Variants in DGKB observed in about 807,000 individuals in gnomAD.
The protein encoded by DGKB is 90 kDa diacylglycerol kinase.
Under a neutral mutation model 114.3 loss-of-function variants are expected in DGKB, and 67 were observed. That is an observed-to-expected ratio of 0.59 (90% CI 0.48 to 0.72). The LOEUF (loss-of-function observed/expected upper bound fraction) is 0.72. Among genes scored for constraint, DGKB ranks in the 30% least tolerant of loss-of-function variants. The pLI is 0.00. For synonymous variants in DGKB, 398 were observed against 323.1 expected, an observed-to-expected ratio of 1.23 and a Z score of -2.49; for missense variants, 907 against 975.2, an observed-to-expected ratio of 0.93 and a Z score of 0.93.
intron 13 of DGKB, among the ~76,000 whole-genome samples, chr7:14,633,145 G>T (rs1441213948): frequency 1.3e-5 from 2 of 151,870 alleles, no homozygotes; most frequent in South Asian, 2.1e-4. Context: ...AGCAGCAGGG[G>T]TATGAGATAT....
At chr7:14,581,473 G>C (rs1269683326) in intron 18 of DGKB, among the ~76,000 whole-genome samples, 1 of 152,154 alleles carries the variant, frequency 6.6e-6, no homozygotes, top group Non-Finnish European at 1.5e-5. Context: ...CTTTGTGTCA[G>C]AGCAAATGGA....
intron 2 of DGKB, among the ~76,000 whole-genome samples, chr7:14,792,923 TTAACTC>T (rs1279366423): frequency 6.6e-6 from 1 of 152,156 alleles, no homozygotes; most frequent in African/African-American, 2.4e-5. Flanking sequence ...AACATACAGA[TTAACTC>T]TATAAAAATG....
At chr7:14,844,031 C>A (rs1200648755) in intron 1 of DGKB, among the ~76,000 whole-genome samples, 1 of 152,146 alleles carries the variant, frequency 6.6e-6, no homozygotes, top group African/African-American at 2.4e-5. Flanking sequence ...TCCAAGCCCA[C>A]CCAGTATCCA....
intron 13 of DGKB, among the ~76,000 whole-genome samples, chr7:14,649,963 G>C (rs1427835253): frequency 6.7e-6 from 1 of 148,582 alleles, no homozygotes; most frequent in Non-Finnish European, 1.5e-5. Context: ...AAATATATAT[G>C]CACCCAATAC....
chr7:14,197,416 C>G (rs1308956984), intron 23 of DGKB, among the ~76,000 whole-genome samples: 1 of 151,916 alleles, frequency 6.6e-6, no homozygotes, highest in Non-Finnish European at 1.5e-5. Context: ...CAAAGTTCCT[C>G]TCTGTTTTTA....
intron 21 of DGKB, among the ~76,000 whole-genome samples, chr7:14,407,057 G>C (rs1181061200): frequency 1.3e-5 from 2 of 152,080 alleles, no homozygotes; most frequent in African/African-American, 4.8e-5. Flanking sequence ...TCAAACAGTA[G>C]TTAAGAAGGA....
chr7:14,612,628 A>G (rs1225716625), intron 16 of DGKB, among the ~76,000 whole-genome samples: 1 of 152,064 alleles, frequency 6.6e-6, no homozygotes, highest in Non-Finnish European at 1.5e-5. Flanking sequence ...CATGTTTGTT[A>G]TGAGTGCTTT....
chr7:14,427,776 T>C (rs867472459), intron 21 of DGKB, among the ~76,000 whole-genome samples: 8 of 152,210 alleles, frequency 5.3e-5, no homozygotes, highest in Middle Eastern at 6.8e-3. Flanking sequence ...AGGAAAGAAC[T>C]GCCCCCATGA....
chr7:14,470,111 T>C (rs1781060315), intron 21 of DGKB, among the ~76,000 whole-genome samples: 1 of 151,886 alleles, frequency 6.6e-6, no homozygotes, highest in Admixed American at 6.6e-5. Context: ...GTTTCTTCTT[T>C]AAAAACACAT....
chr7:14,748,584 G>A (rs1246005470), intron 4 of DGKB, among the ~76,000 whole-genome samples: 2 of 152,110 alleles, frequency 1.3e-5, no homozygotes, highest in Non-Finnish European at 2.9e-5. Flanking sequence ...CAGAGTAGTA[G>A]AATACAAGGT....
intron 23 of DGKB, among the ~76,000 whole-genome samples, chr7:14,263,591 A>C (rs1426199667): frequency 1.3e-5 from 2 of 152,062 alleles, no homozygotes; most frequent in African/African-American, 2.4e-5. Context: ...TTTTCCAAAA[A>C]TCTCCCTAAT....
chr7:14,663,294 A>G (rs1269740149), intron 13 of DGKB, among the ~76,000 whole-genome samples: 3 of 152,000 alleles, frequency 2.0e-5, no homozygotes, highest in African/African-American at 7.2e-5. Flanking sequence ...AATTTTCTTG[A>G]TAAGTAATGA....
At chr7:14,382,663 G>C (rs1392820036) in intron 21 of DGKB, among the ~76,000 whole-genome samples, 1 of 152,168 alleles carries the variant, frequency 6.6e-6, no homozygotes, top group Non-Finnish European at 1.5e-5. Context: ...AACCCAATAG[G>C]TAACTTTTAA....
chr7:14,678,014 G>T (rs191517606), intron 12 of DGKB, among the ~76,000 whole-genome samples: 1 of 152,170 alleles, frequency 6.6e-6, no homozygotes, highest in Admixed American at 6.6e-5. Context: ...TGATTCTTAA[G>T]TATTTGTTTA....
intron 21 of DGKB, among the ~76,000 whole-genome samples, chr7:14,356,474 G>T (rs1299393460): frequency 7.7e-5 from 11 of 142,984 alleles, no homozygotes; most frequent in African/African-American, 2.9e-4. Context: ...CCATTCTCTT[G>T]CCTCAGCCTC....
At chr7:14,154,934 C>G (rs1440233644) in intron 25 of DGKB, among the ~76,000 whole-genome samples, 1 of 151,668 alleles carries the variant, frequency 6.6e-6, no homozygotes, top group Non-Finnish European at 1.5e-5. Flanking sequence ...GGTGATTCTC[C>G]TGCACTCTAG....
At chr7:14,497,689 A>G (rs1315272556) in intron 20 of DGKB, among the ~76,000 whole-genome samples, 7 of 151,938 alleles carry the variant, frequency 4.6e-5, no homozygotes, top group Non-Finnish European at 8.8e-5. Flanking sequence ...ATAATTCACT[A>G]AGTTATTGAA....
At chr7:14,940,007 G>C (rs1021083091) in intron 1 of DGKB, among the ~76,000 whole-genome samples, 1 of 152,092 alleles carries the variant, frequency 6.6e-6, no homozygotes, top group African/African-American at 2.4e-5. Flanking sequence ...TAAAAACACT[G>C]TGTGGTGACT....
chr7:14,821,577 G>T (rs1160151308), intron 2 of DGKB, among the ~76,000 whole-genome samples: 1 of 152,124 alleles, frequency 6.6e-6, no homozygotes, highest in Non-Finnish European at 1.5e-5. Flanking sequence ...AATACGACAA[G>T]ACTAGTGTGG....
Sources: allele counts gnomAD v4.1 joint callset (sites outside exome capture counted in the v4.1 genomes callset), GRCh38; gene constraint gnomAD v4.1.1; transcripts MANE v1.5; gene names NCBI Gene and HGNC (gene_info 2026-07-23, HGNC 2026-07-21).